Variants in GALNTL5 observed in about 807,000 individuals in gnomAD.
The protein encoded by GALNTL5 is inactive polypeptide N-acetylgalactosaminyltransferase-like protein 5.
GALNTL5 carries 44 observed loss-of-function variants against 51.0 expected under a neutral mutation model. The observed-to-expected ratio is 0.86, with a 90% CI of 0.68 to 1.11. The LOEUF is 1.11. Ranked by LOEUF, GALNTL5 falls within the 50% of genes least tolerant of loss-of-function variation. GALNTL5 has a pLI of 0.00. For missense variants in GALNTL5, 528 were observed against 531.8 expected, an observed-to-expected ratio of 0.99 and a Z score of 0.07; for synonymous variants, 192 against 182.8, an observed-to-expected ratio of 1.05 and a Z score of -0.41.
In GALNTL5 at chr7:151,974,291, T is replaced by C. The variant is rs1264339849; in HGVS notation, c.368+3226T>C. Among the ~76,000 whole-genome samples the C allele has an allele frequency of 1.3e-5, 2 of 152,050 alleles. 1 individual carries two copies. Among genetic ancestry groups the C allele is most frequent in the East Asian group, 3.9e-4 (2 of 5,184 alleles). On this transcript the variant is annotated intron_variant, in intron 3 of 8. Transcript: ENST00000392800. ...TATAAGTGGAATCATATAGTATTTG[T>C]CTTTTTTTGTGACTGGCTTATTTTG...
At chr7:151,963,276 G>A (rs11974761) in intron 1 of GALNTL5, among the ~76,000 whole-genome samples, 76,289 of 152,144 alleles carry the variant, frequency 0.5, 19,800 homozygotes, top group Middle Eastern at 0.58. Context: ...TCATTACTGG[G>A]TAGATGTTCT....
chr7:151,973,998 G>A (rs6958581), intron 3 of GALNTL5, among the ~76,000 whole-genome samples: 65,279 of 151,984 alleles, frequency 0.43, 14,151 homozygotes, highest in Middle Eastern at 0.51. Flanking sequence ...TCCTGCTGCC[G>A]TGTAAAATGT....
chr7:151,992,227 G>A (rs1357150027), intron 5 of GALNTL5, among the ~76,000 whole-genome samples: 1 of 152,078 alleles, frequency 6.6e-6, no homozygotes, highest in South Asian at 2.1e-4. Context: ...TAGAAGTGGC[G>A]GCAGCAGGCA....
intron 1 of GALNTL5, among the ~76,000 whole-genome samples, chr7:151,964,205 G>A (rs1037184548): frequency 2.0e-5 from 3 of 152,136 alleles, no homozygotes; most frequent in African/African-American, 7.2e-5. Flanking sequence ...TTGGAATTGG[G>A]CCCACCCTGT....
At chr7:152,010,872 T>C (rs901473671) in intron 7 of GALNTL5, among the ~76,000 whole-genome samples, 26 of 152,208 alleles carry the variant, frequency 1.7e-4, no homozygotes, top group Admixed American at 2.0e-4. Context: ...ATTATGTGTC[T>C]TAGATGGCTT....
rs1487682432 is a variant in GALNTL5, at chr7:152,002,754, CAG to C, written c.702_703del (p.Arg234SerfsTer26). 6.2e-7 allele frequency: 1 copy of C among 1,614,014 alleles called. No homozygotes were observed. Among genetic ancestry groups the C allele is most frequent in the Non-Finnish European group, 8.5e-7 (1 of 1,180,014 alleles). On this transcript the variant is annotated frameshift_variant, in exon 6 of 9. Transcript: ENST00000392800. LOFTEE classifies it high-confidence loss of function. ...TCCTGGACAGCCACTGTGAGGTGAACAGAGTATGGCTGGAGCCCCTGCTGCAT... is the reference window on the plus strand; with the variant it reads ...TCCTGGACAGCCACTGTGAGGTGAACAGTATGGCTGGAGCCCCTGCTGCAT... ...VFLDSHCEVN[R>X]VWLEPLLHAI...
chr7:151,990,264 G>C (rs534041161), intron 5 of GALNTL5, among the ~76,000 whole-genome samples: 1 of 151,724 alleles, frequency 6.6e-6, no homozygotes, highest in Non-Finnish European at 1.5e-5. Context: ...GGCTAGTCTC[G>C]AACTCTTGGC....
intron 3 of GALNTL5, among the ~76,000 whole-genome samples, chr7:151,971,464 T>G (rs1194500799): frequency 2.0e-5 from 3 of 152,210 alleles, no homozygotes; most frequent in African/African-American, 7.2e-5. Flanking sequence ...ATTGTTGCAT[T>G]AATAATTATT....
chr7:151,970,757 A>AC, intron 2 of GALNTL5, 188 bp from the exon 3 acceptor site: 1 of 423,152 alleles, frequency 2.4e-6, no homozygotes, highest in Non-Finnish European at 4.4e-6. Context: ...GTATTCCTTT[A>AC]TAGCAATGCA....
chr7:151,964,681 CTA>C (rs1345232063), intron 1 of GALNTL5, among the ~76,000 whole-genome samples: 1 of 152,184 alleles, frequency 6.6e-6, no homozygotes, highest in Admixed American at 6.6e-5. Context: ...TGAAAACAGA[CTA>C]ATACTGATTC....
intron 7 of GALNTL5, among the ~76,000 whole-genome samples, chr7:152,012,623 T>C (rs1157319224): frequency 1.3e-5 from 2 of 152,228 alleles, no homozygotes; most frequent in Non-Finnish European, 2.9e-5. Flanking sequence ...GTTCTCATTG[T>C]AGCACTTTCC....
At chr7:151,976,927 C>A (rs2081214138) in intron 3 of GALNTL5, among the ~76,000 whole-genome samples, 1 of 152,072 alleles carries the variant, frequency 6.6e-6, no homozygotes, top group Non-Finnish European at 1.5e-5. Context: ...CTTGGCCTCC[C>A]AAAGTGCTGG....
Position 151,967,283 on chromosome 7 carries a change from T to C in GALNTL5, c.37T>C (p.Ser13Pro). The change falls in exon 2 of 9, where the codon TCC becomes CCC. Residue 13 changes from serine to proline, a missense_variant. Transcript: ENST00000392800. ...CATAATTCAAGGTTTATTCTATGGG[T>C]CCTTGACATTTGGGATCTGGACAGC... is the stretch of plus-strand genomic sequence containing the variant. ...NAIIQGLFYG[S>P]LTFGIWTALL... 1 of 1,613,610 alleles carries C rather than the reference T, an allele frequency of 6.2e-7. No individual in the cohort carries two copies. Among genetic ancestry groups the C allele is most frequent in the Non-Finnish European group, 8.5e-7 (1 of 1,179,536 alleles).
intron 1 of GALNTL5, among the ~76,000 whole-genome samples, chr7:151,959,857 G>A (rs1349253818): frequency 6.6e-6 from 1 of 152,162 alleles, no homozygotes; most frequent in Non-Finnish European, 1.5e-5. Context: ...TTGTTGGGGA[G>A]CAGTGGGCCA....
Position 152,019,751 on chromosome 7 carries a change from T to C in GALNTL5, c.1282T>C (p.Tyr428His), listed in dbSNP as rs770544172. The change falls in exon 9 of 9, where the codon TAT (tyrosine) becomes CAT (histidine). Residue 428 changes from tyrosine to histidine, a missense_variant. By Grantham distance (83) the Tyr-to-His change is moderately conservative (BLOSUM62 2). Coordinates refer to ENST00000392800, the MANE Select transcript of GALNTL5 (RefSeq NM_145292.4). ...ACTGGGTTGCAAGTCATTTCAGTGG[T>C]ATTTGGATAATGTCTTCCCAGAGTT... ...KRLGCKSFQWYLDNVFPELEA... is the reference protein window; with the variant it reads ...KRLGCKSFQWHLDNVFPELEA... 6.2e-7 allele frequency: 1 copy of C among 1,613,926 alleles called. No individual in the cohort carries two copies. The highest frequency in any genetic ancestry group is 1.1e-5 in the South Asian group (1 of 91,052).
chr7:151,982,887 A>T (rs2081310327), intron 3 of GALNTL5, 99 bp from the exon 4 acceptor site: 1 of 1,603,614 alleles, frequency 6.2e-7, no homozygotes, highest in Non-Finnish European at 8.5e-7. Context: ...AGGAGTAAAG[A>T]GTCAAAAAGA....
chr7:151,986,256 G>A (rs916752259), intron 4 of GALNTL5, among the ~76,000 whole-genome samples: 2 of 152,128 alleles, frequency 1.3e-5, no homozygotes, highest in African/African-American at 2.4e-5. Context: ...CCCAGATTGC[G>A]CCAAAGCTCT....
chr7:151,977,085 T>C (rs1250592075), intron 3 of GALNTL5, among the ~76,000 whole-genome samples: 1 of 152,210 alleles, frequency 6.6e-6, no homozygotes, highest in African/African-American at 2.4e-5. Flanking sequence ...ATACAAATGA[T>C]GTCAAACAGA....
intron 5 of GALNTL5, among the ~76,000 whole-genome samples, chr7:151,988,386 G>A (rs568824032): frequency 3.9e-5 from 6 of 152,290 alleles, no homozygotes; most frequent in Non-Finnish European, 5.9e-5. Flanking sequence ...CTGGAACCAC[G>A]GGAGGCGAAT....
Sources: allele counts gnomAD v4.1 joint callset (sites outside exome capture counted in the v4.1 genomes callset), GRCh38; gene constraint gnomAD v4.1.1; transcripts MANE v1.5; gene names NCBI Gene and HGNC (gene_info 2026-07-23, HGNC 2026-07-21).